The following TLN2 variants were observed in gnomAD, a reference collection of about 807,000 sequenced individuals.
TLN2 encodes talin 2.
Under a neutral mutation model 294.7 loss-of-function variants are expected in TLN2, and 118 were observed. The observed-to-expected ratio is 0.40, with a 90% CI of 0.34 to 0.47. TLN2 has a LOEUF of 0.47. Ranked by LOEUF, TLN2 falls within the 20% of genes least tolerant of loss-of-function variation. The probability of loss-of-function intolerance (pLI) is 0.84; values close to 1 mark genes in which losing one functional copy is unlikely to be tolerated. For missense variants in TLN2, 3,083 were observed against 3,282.2 expected, an observed-to-expected ratio of 0.94 and a Z score of 1.48; for synonymous variants, 1,431 against 1,304.5, an observed-to-expected ratio of 1.10 and a Z score of -2.09.
chr15:62,780,957 C>G (rs1438123341), intron 43 of TLN2, among the ~76,000 whole-genome samples, 183 bp from the exon 44 acceptor site: 1 of 152,176 alleles, frequency 6.6e-6, no homozygotes, highest in Non-Finnish European at 1.5e-5. Context: ...TGCCATGTAC[C>G]CTGAATGCCT....
intron 21 of TLN2, among the ~76,000 whole-genome samples, chr15:62,710,349 C>G (rs2059345507): frequency 1.3e-5 from 2 of 152,168 alleles, no homozygotes; most frequent in African/African-American, 4.8e-5. Flanking sequence ...TGTAAGAGAT[C>G]TATTTTTGTG....
At chr15:62,677,546 T>C (rs1027030135) in intron 11 of TLN2, among the ~76,000 whole-genome samples, 2 of 152,204 alleles carry the variant, frequency 1.3e-5, no homozygotes, top group East Asian at 1.9e-4. Context: ...AATCGGTCCA[T>C]GGTCACCAGG....
chr15:62,564,925 A>AAAATATATATATATAT (rs759679956), intron 1 of TLN2, among the ~76,000 whole-genome samples: 1 of 80,646 alleles, frequency 1.2e-5, no homozygotes, highest in African/African-American at 4.8e-5. Context: ...AAAAAAAAAA[A>AAAATATATATATATAT]ATATATATAT....
At chr15:62,396,246 T>C (rs1458768573) in intron 1 of TLN2, among the ~76,000 whole-genome samples, 1 of 152,242 alleles carries the variant, frequency 6.6e-6, no homozygotes, top group African/African-American at 2.4e-5. Flanking sequence ...GGAGAGGTAA[T>C]TAACTTTCTC....
chr15:62,588,373 C>A (rs2045796839), intron 1 of TLN2, among the ~76,000 whole-genome samples: 1 of 151,648 alleles, frequency 6.6e-6, no homozygotes, highest in Non-Finnish European at 1.5e-5. Flanking sequence ...CAGCGGCTCA[C>A]ACGTGTAATC....
At chr15:62,590,700 C>T (rs191996933) in intron 2 of TLN2, among the ~76,000 whole-genome samples, 23 of 152,196 alleles carry the variant, frequency 1.5e-4, no homozygotes, top group Admixed American at 1.5e-3. Context: ...TTTTGGTTGT[C>T]CTGGGGGGGT....
chr15:62,639,295 T>C (rs2050735400), intron 3 of TLN2, among the ~76,000 whole-genome samples: 1 of 152,156 alleles, frequency 6.6e-6, no homozygotes, highest in Admixed American at 6.5e-5. Flanking sequence ...GCTGCTATAT[T>C]GGGGACTGTG....
chr15:62,448,548 T>A (rs1481865939), intron 1 of TLN2, among the ~76,000 whole-genome samples: 1 of 152,188 alleles, frequency 6.6e-6, no homozygotes, highest in Non-Finnish European at 1.5e-5. Flanking sequence ...TACAGAGAGA[T>A]ACCGGGTTTA....
At chr15:62,577,299 C>T (rs982690687) in intron 1 of TLN2, among the ~76,000 whole-genome samples, 3 of 151,940 alleles carry the variant, frequency 2.0e-5, no homozygotes, top group Non-Finnish European at 2.9e-5. Context: ...CAAAATTAGC[C>T]GGGTGTGGTG....
At chr15:62,659,073 G>T (rs2053542578) in intron 9 of TLN2, among the ~76,000 whole-genome samples, 1 of 152,150 alleles carries the variant, frequency 6.6e-6, no homozygotes, top group African/African-American at 2.4e-5. Context: ...GTAGGAAGGC[G>T]ATCCGAATGT....
At chr15:62,685,740 G>T (rs1021485456) in intron 11 of TLN2, among the ~76,000 whole-genome samples, 4 of 152,180 alleles carry the variant, frequency 2.6e-5, no homozygotes, top group African/African-American at 9.6e-5. Context: ...GTTGATTTAT[G>T]AACACATCAC....
At chr15:62,590,192 G>T (rs1157130601) in intron 2 of TLN2, among the ~76,000 whole-genome samples, 1 of 151,982 alleles carries the variant, frequency 6.6e-6, no homozygotes, top group African/African-American at 2.4e-5. Context: ...CAGGGTACAT[G>T]GGCAGGTTTG....
intron 1 of TLN2, among the ~76,000 whole-genome samples, chr15:62,444,891 T>A (rs1193156888): frequency 6.6e-6 from 1 of 152,254 alleles, no homozygotes; most frequent in Non-Finnish European, 1.5e-5. Context: ...GCCTGTCATC[T>A]GCAGTGTTGG....
chr15:62,532,585 C>T (rs2041108360), intron 1 of TLN2, among the ~76,000 whole-genome samples: 1 of 152,188 alleles, frequency 6.6e-6, no homozygotes, highest in Non-Finnish European at 1.5e-5. Flanking sequence ...CCCTGCAATA[C>T]CCTTGCAAGA....
intron 5 of TLN2, among the ~76,000 whole-genome samples, 171 bp downstream of exon 5, chr15:62,650,352 T>C (rs2052451206): frequency 6.6e-6 from 1 of 152,212 alleles, no homozygotes; most frequent in South Asian, 2.1e-4. Flanking sequence ...GATATCCAAA[T>C]TCTTGAGATT....
At chr15:62,444,036 G>C (rs1212717212) in intron 1 of TLN2, among the ~76,000 whole-genome samples, 4 of 152,198 alleles carry the variant, frequency 2.6e-5, no homozygotes, top group African/African-American at 9.6e-5. Context: ...ATTGATGTTA[G>C]CAGTTTACCA....
rs1386373384 is a variant in TLN2, at chr15:62,455,314, G to GGAACCC, written c.-238+64630_-238+64631insAACCCG. ...GGGAACTCAGGAAGGGGTTCCTGGAGGTGCACTTCAGCCGCGCCTTCAGCA... is the reference window on the plus strand; with the variant it reads ...GGGAACTCAGGAAGGGGTTCCTGGAGGAACCCGTGCACTTCAGCCGCGCCTTCAGCA... On this transcript the variant is annotated intron_variant, in intron 1 of 58. Transcript: ENST00000636159. Among the ~76,000 whole-genome samples the GGAACCC allele has an allele frequency of 1.1e-4, 16 of 152,116 alleles. 1 individual carries two copies. The highest frequency in any genetic ancestry group is 3.6e-4 in the African/African-American group (15 of 41,502).
At position 62,747,988 on chromosome 15, in the gene TLN2, CAGAGGTGGA is replaced by C. The variant is rs1170677948; in HGVS notation, c.4026-351_4026-343del. Among the ~76,000 whole-genome samples, 11 of 151,944 alleles carry C rather than the reference CAGAGGTGGA, an allele frequency of 7.2e-5. No individual in the cohort carries two copies. The East Asian group carries it at 9.7e-4, about 13-fold the overall frequency. On this transcript the variant is annotated intron_variant, in intron 32 of 58. Transcript: ENST00000636159. ...GTTCATCTTGCTGTCTGAGAGGTGG[CAGAGGTGGA>C]AGAGGTGGAAGGGGAGAAAGGAGAG...
In TLN2 at chr15:62,702,117, G is replaced by T. The variant is rs369897555; in HGVS notation, c.1822G>T (p.Gly608Trp). 2 of 1,614,106 alleles carry T rather than the reference G, an allele frequency of 1.2e-6. No individual in the cohort carries two copies. Among genetic ancestry groups the T allele is most frequent in the Non-Finnish European group, 1.7e-6 (2 of 1,180,014 alleles). The change falls in exon 18 of 59, where the codon GGG becomes TGG. Residue 608 changes from glycine to tryptophan, a missense_variant. Gly to Trp is a radical substitution (Grantham distance 184, BLOSUM62 -2). Coordinates refer to ENST00000636159, the MANE Select transcript of TLN2 (RefSeq NM_015059.3). ...AALMDDEVGS[G>W]EDLLRAARTL... is the part of the protein sequence containing the mutation. ...CCTCATGGATGATGAGGTGGGCAGC[G>T]GGGAGGACTTGCTCAGAGCTGCCAG... is the stretch of plus-strand genomic sequence containing the variant.
Sources: allele counts gnomAD v4.1 joint callset (sites outside exome capture counted in the v4.1 genomes callset), GRCh38; gene constraint gnomAD v4.1.1; transcripts MANE v1.5; gene names NCBI Gene and HGNC (gene_info 2026-07-23, HGNC 2026-07-21).